The following DLGAP1 variants were observed in gnomAD, a reference collection of about 807,000 sequenced individuals.
DLGAP1 encodes DLG associated protein 1.
Under a neutral mutation model 90.8 loss-of-function variants are expected in DLGAP1, and 11 were observed. That is an observed-to-expected ratio of 0.12 (90% CI 0.08 to 0.20). The LOEUF is 0.20. Among genes scored for constraint, DLGAP1 ranks in the 10% least tolerant of loss-of-function variants. DLGAP1 has a pLI of 1.00. For missense variants in DLGAP1, 1,050 were observed against 1,333.8 expected (o/e 0.79, Z 3.31); for synonymous variants, 558 against 540.7 (o/e 1.03, Z -0.44).
chr18:3,728,001 C>A (rs1486504022), intron 7 of DLGAP1: 1 of 152,076 alleles, frequency 6.6e-6, no homozygotes, highest in Non-Finnish European at 1.5e-5. Flanking sequence ...AAAATTATCA[C>A]CTCAATTCCA....
intron 4 of DLGAP1, among the ~76,000 whole-genome samples, chr18:3,867,962 G>A (rs2070505812): frequency 6.6e-6 from 1 of 152,086 alleles, no homozygotes; most frequent in South Asian, 2.1e-4. Context: ...CTACCTACAC[G>A]ATAATTTTCG....
rs1483606110 is a variant in DLGAP1, at chr18:3,599,443, A to G, written c.1592-17195T>C. ...ATAGTTTCCGAGGTCAAGTTTGGCTAGTGGCTTTTAGAATTGGGGCAGAAG... is the reference window on the plus strand; with the variant it reads ...ATAGTTTCCGAGGTCAAGTTTGGCTGGTGGCTTTTAGAATTGGGGCAGAAG... On this transcript the variant is annotated intron_variant, in intron 7 of 12. Transcript: ENST00000315677. Among the ~76,000 whole-genome samples the G allele has an allele frequency of 2.0e-5, 3 of 152,160 alleles. No individual in the cohort carries two copies. The East Asian group carries it at 5.8e-4, about 29-fold the overall frequency.
intron 4 of DLGAP1, among the ~76,000 whole-genome samples, chr18:3,831,902 G>C (rs1342693217): frequency 2.0e-5 from 3 of 152,182 alleles, no homozygotes; most frequent in Admixed American, 1.3e-4. Flanking sequence ...TTCATATTTT[G>C]TGTCAAGCCT....
At chr18:4,387,268 G>A (rs566363958) in intron 1 of DLGAP1, among the ~76,000 whole-genome samples, 89 of 152,190 alleles carry the variant, frequency 5.8e-4, no homozygotes, top group African/African-American at 2.1e-3. Flanking sequence ...ATTCTTTGGG[G>A]AGTAAAAAAA....
At position 3,879,568 on chromosome 18, in the gene DLGAP1, C is replaced by T. The variant is rs1242785232; in HGVS notation, c.501G>A (p.Lys167=). 1 of 1,599,384 alleles carries T rather than the reference C, an allele frequency of 6.3e-7. No homozygotes were observed. The highest frequency in any genetic ancestry group is 1.3e-5 in the African/African-American group (1 of 74,966). ...CCGCCTGCGCCTCGTCAGGGCTGGC[C>T]TTGCCCCCGTTGACGCTGCCCTTGG... ...GPSKGSVNGG[K]ASPDEAQAAR... is the part of the protein sequence containing the mutation. Residue 167 remains lysine, a synonymous_variant, in exon 4 of 13, where the codon AAG becomes AAA. Coordinates refer to ENST00000315677, the MANE Select transcript of DLGAP1 (RefSeq NM_004746.4). This position sits in a 1 kb window ranked among gnomAD's most constrained non-coding sequence, Gnocchi z 6.6.
intron 1 of DLGAP1, among the ~76,000 whole-genome samples, chr18:4,238,862 G>A (rs547802007): frequency 6.6e-6 from 1 of 152,246 alleles, no homozygotes; most frequent in African/African-American, 2.4e-5. Flanking sequence ...TCAATAAGGT[G>A]AATTTGAAAA....
chr18:3,904,369 T>C (rs571789029), intron 3 of DLGAP1, among the ~76,000 whole-genome samples: 3 of 152,202 alleles, frequency 2.0e-5, no homozygotes, highest in Non-Finnish European at 4.4e-5. Flanking sequence ...GCAAACACTA[T>C]GGCAATGCTG....
At chr18:3,576,606 C>G (rs2055159687) in intron 8 of DLGAP1, among the ~76,000 whole-genome samples, 1 of 150,920 alleles carries the variant, frequency 6.6e-6, no homozygotes, top group South Asian at 2.1e-4. Flanking sequence ...CTCTTGTTGC[C>G]CAGGCTGGAG....
At chr18:4,156,247 C>T (rs2076754232) in intron 1 of DLGAP1, among the ~76,000 whole-genome samples, 2 of 152,096 alleles carry the variant, frequency 1.3e-5, no homozygotes, top group East Asian at 3.8e-4. Flanking sequence ...TATACAACAC[C>T]GGAATGTGGG....
At chr18:4,373,183 A>C (rs2081951612) in intron 1 of DLGAP1, among the ~76,000 whole-genome samples, 1 of 152,040 alleles carries the variant, frequency 6.6e-6, no homozygotes, top group African/African-American at 2.4e-5. Context: ...TCTAATAATG[A>C]TGGTGTCAAC....
At chr18:4,039,234 T>C (rs1256009249) in intron 2 of DLGAP1, among the ~76,000 whole-genome samples, 2 of 152,204 alleles carry the variant, frequency 1.3e-5, no homozygotes, top group Non-Finnish European at 2.9e-5. Context: ...ATAGTTTACT[T>C]ATTTATAGTT....
intron 7 of DLGAP1, among the ~76,000 whole-genome samples, chr18:3,728,526 G>A (rs912153567): frequency 1.3e-5 from 2 of 151,982 alleles, no homozygotes; most frequent in Admixed American, 6.6e-5. Flanking sequence ...CTTAAATACA[G>A]TTTAGTGGGA....
intron 2 of DLGAP1, among the ~76,000 whole-genome samples, chr18:4,098,389 T>TA (rs199942948): frequency 0.024 from 3,636 of 152,226 alleles, 69 homozygotes; most frequent in Middle Eastern, 0.068. Context: ...CTGAGTGATA[T>TA]AAAAAAAGTA....
chr18:4,264,068 G>A (rs76583583), intron 1 of DLGAP1, among the ~76,000 whole-genome samples: 1,767 of 152,276 alleles, frequency 0.012, 36 homozygotes, highest in African/African-American at 0.041. Flanking sequence ...CGTTCTGTAG[G>A]ACCAGGGTTG....
intron 4 of DLGAP1, among the ~76,000 whole-genome samples, chr18:3,817,307 T>C (rs1221910799): frequency 1.3e-5 from 2 of 152,206 alleles, no homozygotes; most frequent in Non-Finnish European, 2.9e-5. Flanking sequence ...AAATTTGGGC[T>C]CATACTAGAA....
At chr18:4,117,835 C>T (rs1406000997) in intron 2 of DLGAP1, among the ~76,000 whole-genome samples, 2 of 152,166 alleles carry the variant, frequency 1.3e-5, no homozygotes, top group African/African-American at 4.8e-5. Context: ...TGGGTCAGTT[C>T]AGCCAGCTGT....
chr18:4,119,991 C>T (rs547249037), intron 2 of DLGAP1, among the ~76,000 whole-genome samples: 2 of 152,240 alleles, frequency 1.3e-5, no homozygotes, highest in East Asian at 3.9e-4. Flanking sequence ...AGAGAAACAA[C>T]CTTTTAACAG....
intron 7 of DLGAP1, chr18:3,708,371 G>C: frequency 2.2e-6 from 1 of 455,244 alleles, no homozygotes; most frequent in South Asian, 1.6e-5. Flanking sequence ...TTTATTGTGA[G>C]AGCTGTGAAT....
chr18:3,878,194 G>C (rs1469929092), intron 4 of DLGAP1: 1 of 151,444 alleles, frequency 6.6e-6, no homozygotes, highest in Non-Finnish European at 1.5e-5. Flanking sequence ...AGGCTACCAG[G>C]AGAGAACAGA....
Sources: allele counts gnomAD v4.1 joint callset (sites outside exome capture counted in the v4.1 genomes callset), GRCh38; gene constraint gnomAD v4.1.1; non-coding constraint Gnocchi (gnomAD v3.1); transcripts MANE v1.5; gene names NCBI Gene and HGNC (gene_info 2026-07-23, HGNC 2026-07-21).